GPC6: variants seen among roughly 807,000 people sequenced by gnomAD.
GPC6 encodes glypican-6.
In GPC6, 14 loss-of-function variants were observed where a neutral mutation model predicts 55.2. The observed-to-expected ratio is 0.25, with a 90% CI of 0.17 to 0.40. The LOEUF is 0.40. Ranked by LOEUF, GPC6 falls within the 10% of genes least tolerant of loss-of-function variation. The pLI is 1.00. For synonymous variants in GPC6, 278 were observed against 259.6 expected, an observed-to-expected ratio of 1.07 and a Z score of -0.68; for missense variants, 641 against 708.5, an observed-to-expected ratio of 0.90 and a Z score of 1.08.
At chr13:94,133,360 G>A (rs1286095009) in intron 4 of GPC6, among the ~76,000 whole-genome samples, 1 of 149,694 alleles carries the variant, frequency 6.7e-6, no homozygotes, top group Non-Finnish European at 1.5e-5. Flanking sequence ...TATAAGATGT[G>A]AAATAGCAAA....
intron 5 of GPC6, among the ~76,000 whole-genome samples, chr13:94,297,390 C>T (rs1875400334): frequency 1.3e-5 from 2 of 152,116 alleles, no homozygotes; most frequent in African/African-American, 4.8e-5. Flanking sequence ...TTAAACCTTA[C>T]AAGCAAAGGG....
At chr13:94,163,137 C>T (rs562189966) in intron 4 of GPC6, among the ~76,000 whole-genome samples, 1 of 152,216 alleles carries the variant, frequency 6.6e-6, no homozygotes, top group South Asian at 2.1e-4. Context: ...AAATATTGTG[C>T]CAGTATTGAT....
intron 6 of GPC6, among the ~76,000 whole-genome samples, chr13:94,351,004 TGATTTTCAAAAA>T (rs1207421976): frequency 6.6e-6 from 1 of 152,172 alleles, no homozygotes; most frequent in Non-Finnish European, 1.5e-5. Context: ...TTATAGACTT[TGATTTTCAAAAA>T]TTAATTACTG....
chr13:93,293,599 C>A (rs1470533996), intron 1 of GPC6, among the ~76,000 whole-genome samples: 1 of 152,010 alleles, frequency 6.6e-6, no homozygotes, highest in Admixed American at 6.6e-5. Flanking sequence ...TCCACTTTTC[C>A]CCTGGATGGG....
intron 1 of GPC6, among the ~76,000 whole-genome samples, chr13:93,439,136 T>C (rs1023801289): frequency 6.6e-6 from 1 of 152,170 alleles, no homozygotes; most frequent in African/African-American, 2.4e-5. Context: ...TAAACATATC[T>C]TATATGCATT....
At chr13:93,919,467 T>C (rs1877457149) in intron 3 of GPC6, among the ~76,000 whole-genome samples, 1 of 152,174 alleles carries the variant, frequency 6.6e-6, no homozygotes, top group Non-Finnish European at 1.5e-5. Flanking sequence ...TACACCATGT[T>C]CCTACATCTC....
chr13:93,327,987 T>C (rs1048139984), intron 1 of GPC6, among the ~76,000 whole-genome samples: 9 of 152,040 alleles, frequency 5.9e-5, no homozygotes, highest in African/African-American at 2.2e-4. Context: ...TACATAAATA[T>C]AAAAAACAAC....
intron 2 of GPC6, among the ~76,000 whole-genome samples, chr13:93,812,387 G>GA (rs1178731600): frequency 0.015 from 2,146 of 141,948 alleles, 40 homozygotes; most frequent in African/African-American, 0.045. Context: ...CTCTGTCTCG[G>GA]AAAAAAAAAA....
Position 93,865,931 on chromosome 13 carries a change from A to G in GPC6, c.711+35386A>G, listed in dbSNP as rs943293830. On this transcript the variant is annotated intron_variant, in intron 3 of 8. Coordinates refer to ENST00000377047, the MANE Select transcript of GPC6 (RefSeq NM_005708.5). The stretch of plus-strand genomic sequence containing the variant: ...TAGATGGGTGGGATTCTCTGAGGTC[A>G]CATGATTTGAATCAAACCAAAAGTC... Among the ~76,000 whole-genome samples the G allele has an allele frequency of 2.6e-5, 4 of 151,818 alleles. No individual in the cohort carries two copies. The South Asian group carries it at 8.3e-4, about 32-fold the overall frequency.
At chr13:93,298,867 C>T (rs904548503) in intron 1 of GPC6, among the ~76,000 whole-genome samples, 10 of 151,088 alleles carry the variant, frequency 6.6e-5, no homozygotes, top group African/African-American at 2.4e-4. Context: ...GCAATCCCTT[C>T]CGTTGGTACC....
intron 2 of GPC6, among the ~76,000 whole-genome samples, chr13:93,566,477 T>C (rs1048891401): frequency 4.6e-5 from 7 of 152,036 alleles, no homozygotes; most frequent in Non-Finnish European, 8.8e-5. Context: ...CAGAGATGCA[T>C]GTGTAAGGTG....
intron 2 of GPC6, among the ~76,000 whole-genome samples, chr13:93,603,731 T>A (rs1387187700): frequency 2.0e-5 from 3 of 152,166 alleles, no homozygotes; most frequent in Non-Finnish European, 2.9e-5. Flanking sequence ...TACAGGCAAA[T>A]TAAAACTCAG....
intron 1 of GPC6, among the ~76,000 whole-genome samples, chr13:93,507,617 T>C (rs1461756198): frequency 6.6e-6 from 1 of 152,232 alleles, no homozygotes; most frequent in Non-Finnish European, 1.5e-5. Context: ...GATCGTATTA[T>C]AGATAATTTG....
intron 4 of GPC6, among the ~76,000 whole-genome samples, chr13:94,047,126 CT>C (rs1883762013): frequency 6.6e-6 from 1 of 152,044 alleles, no homozygotes; most frequent in African/African-American, 2.4e-5. Context: ...AACAGGTCCC[CT>C]TTAGTATGTC....
At chr13:93,417,547 AT>A (rs1410207725) in intron 1 of GPC6, among the ~76,000 whole-genome samples, 1 of 152,026 alleles carries the variant, frequency 6.6e-6, no homozygotes, top group Non-Finnish European at 1.5e-5. Context: ...CCTGTGCTGA[AT>A]TACTTCTTTC....
chr13:94,198,601 G>C (rs1244581306), intron 4 of GPC6, among the ~76,000 whole-genome samples: 1 of 152,210 alleles, frequency 6.6e-6, no homozygotes, highest in Non-Finnish European at 1.5e-5. Flanking sequence ...ATCTCAGGCT[G>C]TGTCCGTTCT....
intron 4 of GPC6, among the ~76,000 whole-genome samples, chr13:94,221,410 C>A (rs368619225): frequency 2.0e-5 from 3 of 152,096 alleles, no homozygotes; most frequent in South Asian, 2.1e-4. Context: ...TTCTTGCAAC[C>A]ATGAGGGAAA....
chr13:93,891,083 G>A lies in GPC6; in HGVS notation c.711+60538G>A, dbSNP rs575608366. 8.5e-5 allele frequency among the ~76,000 whole-genome samples: 13 copies of A among 152,126 alleles called. No homozygotes were observed. In the South Asian group the frequency reaches 2.5e-3, roughly 29 times the overall value. The stretch of plus-strand genomic sequence containing the variant: ...TTAAAAAGCTTTAAAACATAAAAAT[G>A]ATATTAACAACTTTTTAAAAAAATG... On this transcript the variant is annotated intron_variant, in intron 3 of 8. Coordinates refer to ENST00000377047, the MANE Select transcript of GPC6 (RefSeq NM_005708.5).
chr13:93,217,586 T>A, the GPC6 span, among the ~76,000 whole-genome samples: 1 of 152,300 alleles, frequency 6.6e-6, no homozygotes, highest in South Asian at 2.1e-4. Context: ...AATTTTTGTA[T>A]TAAATCATTA....
Sources: gnomAD v4.1 joint callset for allele counts (sites outside exome capture counted in the v4.1 genomes callset) on GRCh38, gnomAD v4.1.1 for gene constraint, MANE v1.5 for transcripts, NCBI Gene and HGNC (gene_info 2026-07-23, HGNC 2026-07-21) for gene names.